The following KCNMA1 variants were observed in gnomAD, a reference collection of about 807,000 sequenced individuals.
KCNMA1 encodes potassium calcium-activated channel subfamily M alpha 1.
In KCNMA1, 29 loss-of-function variants were observed where a neutral mutation model predicts 140.0. The ratio of observed to expected loss-of-function variants is 0.21; its 90% CI spans 0.15 to 0.28. The LOEUF (loss-of-function observed/expected upper bound fraction) is 0.28, where lower values mean the gene tolerates loss of function less well. KCNMA1 is among the 10% of genes least tolerant of loss of function. The probability of loss-of-function intolerance (pLI) is 1.00; values close to 1 mark genes in which losing one functional copy is unlikely to be tolerated. For synonymous variants in KCNMA1, 612 were observed against 611.9 expected (o/e 1.00, Z 0.00); for missense variants, 880 against 1,602.2 (o/e 0.55, Z 7.70).
rs191600546 is a variant in KCNMA1, at chr10:77,562,838, A to G, written c.378+74427T>C. 3.3e-5 allele frequency among the ~76,000 whole-genome samples: 5 copies of G among 152,350 alleles called. No individual in the cohort carries two copies. The East Asian group carries it at 9.6e-4, about 29-fold the overall frequency. On this transcript the variant is annotated intron_variant, in intron 1 of 27. Transcript: ENST00000286628. ...ACCAAGCACATTCAGTTGTGCCAGG[A>G]GGATGGAAGAAGTCTTTCTTTCAAG...
intron 5 of KCNMA1, among the ~76,000 whole-genome samples, chr10:77,152,566 T>C (rs1358303793): frequency 6.6e-6 from 1 of 152,038 alleles, no homozygotes; most frequent in African/African-American, 2.4e-5. Flanking sequence ...CATGGCTTTA[T>C]GTGTAAACAG....
intron 1 of KCNMA1, among the ~76,000 whole-genome samples, chr10:77,427,723 T>C (rs2097051555): frequency 1.0e-5 from 1 of 98,850 alleles, no homozygotes; most frequent in Non-Finnish European, 2.2e-5. Context: ...ATCCATTCAT[T>C]TATTTATTTA....
chr10:77,419,297 G>T (rs2096816645), intron 1 of KCNMA1, among the ~76,000 whole-genome samples: 1 of 152,168 alleles, frequency 6.6e-6, no homozygotes, highest in Non-Finnish European at 1.5e-5. Context: ...AACTTTGCTG[G>T]CGTCTTGGAA....
intron 23 of KCNMA1, among the ~76,000 whole-genome samples, chr10:76,922,171 T>A (rs975194203): frequency 2.0e-5 from 3 of 152,182 alleles, no homozygotes; most frequent in Non-Finnish European, 4.4e-5. Flanking sequence ...GTCTTTTGCC[T>A]CTTCAGCAAT....
chr10:76,995,517 T>C, intron 19 of KCNMA1: 1 of 470,854 alleles, frequency 2.1e-6, no homozygotes, highest in Non-Finnish European at 4.4e-6. Flanking sequence ...GGATTTGGGC[T>C]CAAGGCAGAG....
chr10:77,166,761 G>A (rs1246994374), intron 5 of KCNMA1, among the ~76,000 whole-genome samples: 1 of 152,158 alleles, frequency 6.6e-6, no homozygotes, highest in Non-Finnish European at 1.5e-5. Context: ...GGAGGTAACT[G>A]CTAGTGGACA....
At chr10:77,540,398 A>C (rs1458340831) in intron 1 of KCNMA1, among the ~76,000 whole-genome samples, 1 of 152,272 alleles carries the variant, frequency 6.6e-6, no homozygotes, top group African/African-American at 2.4e-5. Flanking sequence ...ACAAATGAGC[A>C]AACTCCTTTG....
At chr10:77,461,309 C>A (rs2097862698) in intron 1 of KCNMA1, among the ~76,000 whole-genome samples, 1 of 151,522 alleles carries the variant, frequency 6.6e-6, no homozygotes, top group Non-Finnish European at 1.5e-5. Context: ...CCAAGTTGCT[C>A]TTCTGTGGTG....
chr10:77,234,307 T>G (rs1178496560), intron 3 of KCNMA1, among the ~76,000 whole-genome samples: 2 of 152,156 alleles, frequency 1.3e-5, no homozygotes, highest in Non-Finnish European at 2.9e-5. Context: ...ACAAAACATT[T>G]AAGAAACCCT....
At chr10:77,281,231 A>G (rs1381438572) in intron 2 of KCNMA1, among the ~76,000 whole-genome samples, 1 of 152,214 alleles carries the variant, frequency 6.6e-6, no homozygotes, top group Non-Finnish European at 1.5e-5. Context: ...GCCACAGACA[A>G]CAGCATGCTA....
At chr10:77,612,978 G>A (rs1210683919) in intron 1 of KCNMA1, among the ~76,000 whole-genome samples, 1 of 151,992 alleles carries the variant, frequency 6.6e-6, no homozygotes, top group Non-Finnish European at 1.5e-5. Context: ...TTTATTTTGG[G>A]AATAAATTAC....
intron 2 of KCNMA1, among the ~76,000 whole-genome samples, chr10:77,256,692 C>T (rs2060836263): frequency 6.6e-6 from 1 of 152,080 alleles, no homozygotes; most frequent in African/African-American, 2.4e-5. Flanking sequence ...ACAAATGACC[C>T]TAATTAATGA....
intron 13 of KCNMA1, chr10:77,077,818 C>T (rs373910872): frequency 6.6e-6 from 1 of 152,238 alleles, no homozygotes; most frequent in African/African-American, 2.4e-5. Context: ...CAGCTTGACA[C>T]CCGTACATTA....
At chr10:77,523,916 A>G (rs1158217579) in intron 1 of KCNMA1, among the ~76,000 whole-genome samples, 2 of 152,276 alleles carry the variant, frequency 1.3e-5, no homozygotes, top group East Asian at 3.9e-4. Context: ...ATAATAACTT[A>G]ATTGTATATT....
chr10:76,914,172 G>C lies in KCNMA1; in HGVS notation c.3016+764C>G, dbSNP rs1175182914. The C allele has an allele frequency of 2.1e-6, 3 of 1,439,654 alleles. No individual in the cohort carries two copies. In the African/African-American group the frequency reaches 4.2e-5, roughly 20 times the overall value. 89.2% of individuals were successfully genotyped at this position (1,439,654 alleles called of 1,614,324 possible). A position where few individuals can be genotyped will look rare whatever the true frequency, so the allele number is the denominator to read the frequency against. On this transcript the variant is annotated intron_variant, in intron 24 of 27. Coordinates refer to ENST00000286628, the MANE Select transcript of KCNMA1 (RefSeq NM_001161352.2). The stretch of plus-strand genomic sequence containing the variant: ...TACAGCATTTAAGGGTTGGGGAAAG[G>C]GAGTGGAGGAAAGTACAGAAAAAGA...
At chr10:77,547,408 G>C (rs1204997793) in intron 1 of KCNMA1, among the ~76,000 whole-genome samples, 1 of 152,164 alleles carries the variant, frequency 6.6e-6, no homozygotes. Flanking sequence ...CCCTAGTTCA[G>C]ACAGCCCTCG....
intron 1 of KCNMA1, among the ~76,000 whole-genome samples, chr10:77,616,994 C>G (rs2089786731): frequency 6.6e-6 from 1 of 152,154 alleles, no homozygotes; most frequent in Non-Finnish European, 1.5e-5. Context: ...GGGCATGTCC[C>G]TGATGACCAC....
intron 1 of KCNMA1, among the ~76,000 whole-genome samples, chr10:77,408,705 T>C (rs1225622774): frequency 6.6e-6 from 1 of 151,888 alleles, no homozygotes; most frequent in Non-Finnish European, 1.5e-5. Flanking sequence ...GGGAGAAAAA[T>C]GAGAGGTGAG....
intron 8 of KCNMA1, among the ~76,000 whole-genome samples, chr10:77,109,766 G>A (rs2097276863): frequency 6.6e-6 from 1 of 152,174 alleles, no homozygotes; most frequent in Non-Finnish European, 1.5e-5. Flanking sequence ...AAAGGGGAAG[G>A]GAGAGCTCTT....
Sources: allele counts gnomAD v4.1 joint callset (sites outside exome capture counted in the v4.1 genomes callset), GRCh38; gene constraint gnomAD v4.1.1; transcripts MANE v1.5; gene names NCBI Gene and HGNC (gene_info 2026-07-23, HGNC 2026-07-21).